The following CADPS variants were observed in gnomAD, a reference collection of about 807,000 sequenced individuals.
The protein encoded by CADPS is calcium-dependent secretion activator 1.
A neutral mutation model predicts 167.3 loss-of-function variants in CADPS; 57 were observed. The observed-to-expected ratio is 0.34, with a 90% CI of 0.28 to 0.42. The LOEUF is 0.42. Ranked by LOEUF, CADPS falls within the 20% of genes least tolerant of loss-of-function variation. CADPS has a pLI of 1.00. For missense variants in CADPS, 1,414 were observed against 1,738.1 expected (o/e 0.81, Z 3.32); for synonymous variants, 676 against 635.3 (o/e 1.06, Z -0.96).
At chr3:62,873,710 G>A (rs1011646132) in intron 1 of CADPS, among the ~76,000 whole-genome samples, 5 of 150,476 alleles carry the variant, frequency 3.3e-5, no homozygotes, top group East Asian at 3.9e-4. Context: ...GCCTCAGATT[G>A]CGAAGCTTTT....
intron 2 of CADPS, among the ~76,000 whole-genome samples, chr3:62,760,247 A>G (rs2085070043): frequency 6.6e-6 from 1 of 152,132 alleles, no homozygotes; most frequent in Admixed American, 6.5e-5. Flanking sequence ...GGAACTGTCC[A>G]GGTATATATA....
intron 10 of CADPS, among the ~76,000 whole-genome samples, chr3:62,557,122 T>C (rs2078302962): frequency 6.6e-6 from 1 of 151,916 alleles, no homozygotes; most frequent in South Asian, 2.1e-4. Flanking sequence ...GAGTCCATAT[T>C]TGATGTGGAT....
chr3:62,610,236 CCTTTT>C (rs1200072728), intron 6 of CADPS, among the ~76,000 whole-genome samples: 4 of 148,602 alleles, frequency 2.7e-5, no homozygotes, highest in Non-Finnish European at 6.0e-5. Context: ...TCTTTTTCTT[CCTTTT>C]CTTTTCTTTC....
At chr3:62,671,968 G>C (rs1295929623) in intron 3 of CADPS, among the ~76,000 whole-genome samples, 1 of 152,034 alleles carries the variant, frequency 6.6e-6, no homozygotes, top group East Asian at 1.9e-4. Flanking sequence ...TTTTAGTAGA[G>C]ACGGGGTTTC....
intron 17 of CADPS, among the ~76,000 whole-genome samples, chr3:62,509,270 C>T (rs1321747888): frequency 7.5e-6 from 1 of 133,230 alleles, no homozygotes; most frequent in African/African-American, 2.8e-5. Flanking sequence ...TATCACTGTA[C>T]TCTAAAGCAA....
chr3:62,430,904 A>G (rs1293206438), intron 28 of CADPS, among the ~76,000 whole-genome samples: 1 of 152,084 alleles, frequency 6.6e-6, no homozygotes, highest in Non-Finnish European at 1.5e-5. Context: ...GCTCGAAAAT[A>G]GATGAAAGAA....
intron 1 of CADPS, among the ~76,000 whole-genome samples, chr3:62,794,966 C>G (rs972185947): frequency 6.6e-6 from 1 of 151,976 alleles, no homozygotes; most frequent in African/African-American, 2.4e-5. Context: ...TTTGCCAGAG[C>G]GCTATGGGTT....
In CADPS at chr3:62,570,933, A is replaced by G. The variant is rs1288369724; in HGVS notation, c.1583T>C (p.Leu528Ser). The change falls in exon 9 of 30, where the codon TTA becomes TCA. Residue 528 changes from leucine (L) to serine (S), a missense_variant. This residue lies in a region of CADPS where 157 missense variants were observed against 229.4 expected (regional missense o/e 0.68). Transcript: ENST00000383710. ...KPQNMKHSGY[L>S]WAIGKNVWKR... ...CCAGACATTCTTACCGATGGCCCAT[A>G]AATACCTAAGGGAAAGGAGAAAGAC... 1 of 1,602,526 alleles carries G rather than the reference A, an allele frequency of 6.2e-7. No homozygotes were observed. The highest frequency in any genetic ancestry group is 8.6e-7 in the Non-Finnish European group (1 of 1,169,280).
At position 62,514,907 on chromosome 3, in the gene CADPS, A is replaced by G. The variant is rs1561506411; in HGVS notation, c.2581+1152T>C. On this transcript the variant is annotated intron_variant, in intron 16 of 29. Transcript: ENST00000383710. This position sits in a 1 kb window ranked among gnomAD's most constrained non-coding sequence, Gnocchi z 4.2. ...ATTTTTGTCACTCATTACCAAGTCA[A>G]GAGTTGATAAACATCCTTTTGGTGC... Among the ~76,000 whole-genome samples the G allele has an allele frequency of 6.6e-6, 1 of 152,134 alleles. No homozygotes were observed. The highest frequency in any genetic ancestry group is 1.5e-5 in the Non-Finnish European group (1 of 68,014).
chr3:62,728,029 C>G (rs758814052), intron 3 of CADPS, among the ~76,000 whole-genome samples: 2 of 151,822 alleles, frequency 1.3e-5, no homozygotes, highest in East Asian at 3.9e-4. Flanking sequence ...GTTTATAACT[C>G]TACAAGGCCA....
chr3:62,704,011 CA>C (rs1337554684), intron 3 of CADPS, among the ~76,000 whole-genome samples: 1 of 152,134 alleles, frequency 6.6e-6, no homozygotes, highest in East Asian at 1.9e-4. Flanking sequence ...ACTCTGACTT[CA>C]TTCCTTCCTA....
chr3:62,804,215 T>C (rs764433146), intron 1 of CADPS, among the ~76,000 whole-genome samples: 4 of 152,118 alleles, frequency 2.6e-5, no homozygotes, highest in African/African-American at 9.7e-5. Context: ...CCACAATAAA[T>C]ACTTGACGGA....
intron 9 of CADPS, among the ~76,000 whole-genome samples, chr3:62,565,990 T>C (rs2080105569): frequency 6.6e-6 from 1 of 152,248 alleles, no homozygotes; most frequent in Non-Finnish European, 1.5e-5. Flanking sequence ...CTTTGTTTTT[T>C]CAGACAATTT....
At chr3:62,493,468 T>C (rs2064084761) in intron 19 of CADPS, among the ~76,000 whole-genome samples, 177 bp downstream of exon 19, 1 of 152,078 alleles carries the variant, frequency 6.6e-6, no homozygotes, top group South Asian at 2.1e-4. Flanking sequence ...CAAAAAAAGA[T>C]GGGAAGGCAT....
intron 3 of CADPS, among the ~76,000 whole-genome samples, chr3:62,748,105 G>C (rs1341394384): frequency 6.9e-6 from 1 of 144,958 alleles, no homozygotes; most frequent in Non-Finnish European, 1.5e-5. Flanking sequence ...CGGATCACAA[G>C]GTCAGGAGAT....
At chr3:62,812,019 T>C (rs67392047) in intron 1 of CADPS, among the ~76,000 whole-genome samples, 27,801 of 152,124 alleles carry the variant, frequency 0.18, 2,961 homozygotes, top group Middle Eastern at 0.34. Flanking sequence ...TAATGGTATA[T>C]ATAAAATCAA....
intron 3 of CADPS, among the ~76,000 whole-genome samples, chr3:62,701,032 G>A (rs1341982730): frequency 6.6e-6 from 1 of 151,944 alleles, no homozygotes; most frequent in Non-Finnish European, 1.5e-5. Flanking sequence ...TGCTCTCTGG[G>A]GTCTCTCAGA....
At position 62,431,056 on chromosome 3, in the gene CADPS, G is replaced by C. The variant is rs548903845; in HGVS notation, c.3777+7048C>G. ...CTCTTTAGCTTCATAATTGAGGATA[G>C]AGATGAGGTCACAGTTCAATTAAAA... On this transcript the variant is annotated intron_variant, in intron 28 of 29. Coordinates refer to ENST00000383710, the MANE Select transcript of CADPS (RefSeq NM_003716.4). 5.9e-3 allele frequency among the ~76,000 whole-genome samples: 896 copies of C among 152,270 alleles called. 6 individuals carry two copies. Among genetic ancestry groups the C allele is most frequent in the African/African-American group, 0.021 (860 of 41,554 alleles).
At chr3:62,457,337 A>G (rs2058810162) in intron 26 of CADPS, among the ~76,000 whole-genome samples, 1 of 152,234 alleles carries the variant, frequency 6.6e-6, no homozygotes, top group African/African-American at 2.4e-5. Flanking sequence ...AACTGGAAAA[A>G]TAAGAAACCC....
Sources: gnomAD v4.1 joint callset for allele counts (sites outside exome capture counted in the v4.1 genomes callset) on GRCh38, gnomAD v4.1.1 for gene constraint, gnomAD v4.1.1 regional missense constraint, Gnocchi (gnomAD v3.1) non-coding constraint, MANE v1.5 for transcripts, NCBI Gene and HGNC (gene_info 2026-07-23, HGNC 2026-07-21) for gene names.